ADGRA2: variants seen among roughly 807,000 people sequenced by gnomAD.
ADGRA2 encodes adhesion G protein-coupled receptor A2.
In ADGRA2, 61 loss-of-function variants were observed where a neutral mutation model predicts 98.7. The observed-to-expected ratio is 0.62, with a 90% CI of 0.50 to 0.76. ADGRA2 has a LOEUF of 0.76. Ranked by LOEUF, ADGRA2 falls within the 30% of genes least tolerant of loss-of-function variation. The pLI is 0.00. For synonymous variants in ADGRA2, 858 were observed against 831.5 expected (o/e 1.03, Z -0.55); for missense variants, 1,712 against 1,860.0 (o/e 0.92, Z 1.46).
intron 2 of ADGRA2, among the ~76,000 whole-genome samples, chr8:37,824,837 A>G (rs1805225015): frequency 6.6e-6 from 1 of 152,206 alleles, no homozygotes; most frequent in Admixed American, 6.5e-5. Context: ...TCAACTTAAC[A>G]ATCTGCTTTG....
Position 37,833,278 on chromosome 8 carries a change from G to T in ADGRA2, c.1296+70G>T, listed in dbSNP as rs978475182. The T allele has an allele frequency of 3.2e-6, 4 of 1,246,754 alleles. No homozygotes were observed. The East Asian group carries it at 1.0e-4, about 32-fold the overall frequency. 77.2% of individuals were successfully genotyped at this position (1,246,754 alleles called of 1,614,324 possible). Reference sequence around the variant, plus strand: ...CAGGGAAGGGAGAAGCCAACCTAACGGGCAAGGGGAGCCCTATCTCCGGGC... The same window carrying T: ...CAGGGAAGGGAGAAGCCAACCTAACTGGCAAGGGGAGCCCTATCTCCGGGC... On this transcript the variant is annotated intron_variant, in intron 9 of 18. Coordinates refer to ENST00000412232, the MANE Select transcript of ADGRA2 (RefSeq NM_032777.10).
chr8:37,803,004 G>A (rs1189347208), intron 1 of ADGRA2, among the ~76,000 whole-genome samples: 6 of 152,246 alleles, frequency 3.9e-5, no homozygotes, highest in South Asian at 4.1e-4. Flanking sequence ...TGGCTACCAC[G>A]GCTCTCCCCT....
intron 14 of ADGRA2, 127 bp downstream of exon 14, chr8:37,838,066 C>A: frequency 1.3e-6 from 1 of 795,298 alleles, no homozygotes; most frequent in Non-Finnish European, 1.9e-6. Context: ...CCTAATTGGG[C>A]CCCATGAGTG....
intron 14 of ADGRA2, 90 bp downstream of exon 14, chr8:37,838,029 A>C: frequency 9.2e-7 from 1 of 1,089,052 alleles, no homozygotes; most frequent in Non-Finnish European, 1.3e-6. Flanking sequence ...ATTTGGGACC[A>C]TGGAGAAATA....
At position 37,841,128 on chromosome 8, in the gene ADGRA2, C is replaced by T. The variant is rs1336288281; in HGVS notation, c.2790C>T (p.Ile930=). Residue 930 remains isoleucine, a synonymous_variant, in exon 19 of 19, where the codon ATC becomes ATT. Transcript: ENST00000412232. This position sits in a 1 kb window ranked among gnomAD's most constrained non-coding sequence, Gnocchi z 5.0. The part of the protein sequence containing the change: ...VWRPSLGAFY[I]PVALILLITW... ...GTCCAAGCCTTGGCGCCTTCTACAT[C>T]CCTGTGGCTTTGATTCTGCTCATCA... The T allele has an allele frequency of 6.2e-7, 1 of 1,607,234 alleles. No individual in the cohort carries two copies. Among genetic ancestry groups the T allele is most frequent in the Non-Finnish European group, 8.5e-7 (1 of 1,177,448 alleles).
chr8:37,830,615 G>GCCCCCC lies in ADGRA2; in HGVS notation c.719-91_719-90insCCCCCC. 4.1e-6 allele frequency: 1 copy of GCCCCCC among 244,718 alleles called. No homozygotes were observed. The highest frequency in any genetic ancestry group is 8.1e-6 in the Non-Finnish European group (1 of 123,236). 15.2% of individuals were successfully genotyped at this position (244,718 alleles called of 1,614,324 possible). On this transcript the variant is annotated intron_variant, in intron 6 of 18. Coordinates refer to ENST00000412232, the MANE Select transcript of ADGRA2 (RefSeq NM_032777.10). This position sits in a 1 kb window ranked among gnomAD's most constrained non-coding sequence, Gnocchi z 4.8. ...GAGCAGGCTGCAGGCCGAGGGCCCC[G>GCCCCCC]CCCCGCCCCACCCCATCCTGCTGGA... is the stretch of plus-strand genomic sequence containing the variant.
Position 37,801,942 on chromosome 8 carries a change from C to G in ADGRA2, c.266+4408C>G, listed in dbSNP as rs149010421. On this transcript the variant is annotated intron_variant, in intron 1 of 18. Transcript: ENST00000412232. Reference sequence around the variant, plus strand: ...CATTCCAGGCTGGGCAAGGAGAGGTCACTTTGAATTTCCCCAGAACAGGCA... The same window carrying G: ...CATTCCAGGCTGGGCAAGGAGAGGTGACTTTGAATTTCCCCAGAACAGGCA... Among the ~76,000 whole-genome samples, 519 of 152,364 alleles carry G rather than the reference C, an allele frequency of 3.4e-3. 3 individuals are homozygous for G. The highest frequency in any genetic ancestry group is 0.012 in the African/African-American group (486 of 41,586).
At chr8:37,832,681 T>C (rs1448857076) in intron 8 of ADGRA2, among the ~76,000 whole-genome samples, 2 of 152,182 alleles carry the variant, frequency 1.3e-5, no homozygotes, top group Non-Finnish European at 2.9e-5. Flanking sequence ...ACCCTCTCTG[T>C]TATGCAGGGA....
At chr8:37,837,184 T>A (rs930640531) in intron 13 of ADGRA2, among the ~76,000 whole-genome samples, 1 of 152,154 alleles carries the variant, frequency 6.6e-6, no homozygotes, top group Non-Finnish European at 1.5e-5. Context: ...CACTAAGACT[T>A]AAAGGACAAG....
chr8:37,841,676 G>GC lies in ADGRA2; in HGVS notation c.3345dup (p.Ser1116LeufsTer150). ...GACGGTTCCCCGGTGTTCGGGGAGG[G>GC]CCCCCCCTCCCTCAAGTCCTCCCCA... On this transcript the variant is annotated frameshift_variant, in exon 19 of 19. Coordinates refer to ENST00000412232, the MANE Select transcript of ADGRA2 (RefSeq NM_032777.10). LOFTEE classifies it low-confidence loss of function (END_TRUNC). This position sits in a 1 kb window ranked among gnomAD's most constrained non-coding sequence, Gnocchi z 5.0. The GC allele has an allele frequency of 6.5e-7, 1 of 1,530,634 alleles. No individual in the cohort carries two copies. Among genetic ancestry groups the GC allele is most frequent in the African/African-American group, 1.4e-5 (1 of 72,626 alleles). 94.8% of individuals were successfully genotyped at this position (1,530,634 alleles called of 1,614,324 possible). A position where few individuals can be genotyped will look rare whatever the true frequency, so the allele number is the denominator to read the frequency against.
At chr8:37,837,277 G>A (rs1805644787) in intron 13 of ADGRA2, among the ~76,000 whole-genome samples, 3 of 152,156 alleles carry the variant, frequency 2.0e-5, no homozygotes, top group Admixed American at 6.5e-5. Flanking sequence ...GGGTGGGTGA[G>A]GGGTCTGTGG....
At chr8:37,826,127 CG>C (rs376664558) in intron 2 of ADGRA2, among the ~76,000 whole-genome samples, 2 of 151,346 alleles carry the variant, frequency 1.3e-5, no homozygotes, top group Non-Finnish European at 2.9e-5. Context: ...CACAAGTGAG[CG>C]GGGAGGGAAG....
At position 37,826,443 on chromosome 8, in the gene ADGRA2, C is replaced by T. The variant is rs545894331; in HGVS notation, c.339-2445C>T. On this transcript the variant is annotated intron_variant, in intron 2 of 18. Coordinates refer to ENST00000412232, the MANE Select transcript of ADGRA2 (RefSeq NM_032777.10). Reference sequence around the variant, plus strand: ...AGTGTCCTGGCACGGTCCCTGTGTGCGCCTCACTGGGGGGCACCTCCCAGC... The same window carrying T: ...AGTGTCCTGGCACGGTCCCTGTGTGTGCCTCACTGGGGGGCACCTCCCAGC... 8.5e-5 allele frequency among the ~76,000 whole-genome samples: 13 copies of T among 152,278 alleles called. No homozygotes were observed. The South Asian group carries it at 1.4e-3, about 17-fold the overall frequency.
chr8:37,797,596 G>T lies in ADGRA2; in HGVS notation c.266+62G>T. The stretch of plus-strand genomic sequence containing the variant: ...GACTGGGGACGAAGGGAGGCGAGAC[G>T]GGAGGGGTGGGAGCAGGGGGAAGGG... On this transcript the variant is annotated intron_variant, in intron 1 of 18. Coordinates refer to ENST00000412232, the MANE Select transcript of ADGRA2 (RefSeq NM_032777.10). This position sits in a 1 kb window ranked among gnomAD's most constrained non-coding sequence, Gnocchi z 5.3. The T allele has an allele frequency of 7.9e-7, 1 of 1,272,904 alleles. No homozygotes were observed. The highest frequency in any genetic ancestry group is 3.0e-5 in the East Asian group (1 of 32,872). The allele number at this position is 1,272,904 out of a possible 1,614,324, so 78.9% of individuals were successfully genotyped here.
chr8:37,832,347 CT>C (rs1230519875), intron 8 of ADGRA2, among the ~76,000 whole-genome samples: 1 of 151,932 alleles, frequency 6.6e-6, no homozygotes, highest in Non-Finnish European at 1.5e-5. Context: ...GCCACTGCGA[CT>C]TTTTTTTAGA....
chr8:37,828,742 G>A lies in ADGRA2; in HGVS notation c.339-146G>A, dbSNP rs989292036. The A allele has an allele frequency of 4.4e-5, 23 of 525,514 alleles. No individual in the cohort carries two copies. Among genetic ancestry groups the A allele is most frequent in the Admixed American group, 6.7e-5 (2 of 29,994 alleles). The allele number at this position is 525,514 out of a possible 1,614,324, so 32.6% of individuals were successfully genotyped here. On this transcript the variant is annotated intron_variant, in intron 2 of 18. Transcript: ENST00000412232. The stretch of plus-strand genomic sequence containing the variant: ...GGTTCTTTAATCCCACCTCCCACCC[G>A]GTGCTGAGGAGAGCAGAGGTTTAGC...
Position 37,842,417 on chromosome 8 carries a change from C to G in ADGRA2, c.*62C>G. ...CGGCTCGTTCCCCCGCTCCTCGGGGCCCTCCAAGGTGTCTCCGTAGTCAGC... is the reference window on the plus strand; with the variant it reads ...CGGCTCGTTCCCCCGCTCCTCGGGGGCCTCCAAGGTGTCTCCGTAGTCAGC... On this transcript the variant is annotated 3_prime_UTR_variant, in exon 19 of 19. Transcript: ENST00000412232. 1 of 1,412,850 alleles carries G rather than the reference C, an allele frequency of 7.1e-7. No individual in the cohort carries two copies. The highest frequency in any genetic ancestry group is 9.2e-7 in the Non-Finnish European group (1 of 1,084,344). 87.5% of individuals were successfully genotyped at this position (1,412,850 alleles called of 1,614,324 possible).
chr8:37,825,130 T>C (rs1388417344), intron 2 of ADGRA2, among the ~76,000 whole-genome samples: 2 of 152,226 alleles, frequency 1.3e-5, no homozygotes, highest in Non-Finnish European at 2.9e-5. Flanking sequence ...ACCCTGCGTC[T>C]TTCCCAGGTT....
chr8:37,839,977 C>A lies in ADGRA2; in HGVS notation c.2512-144C>A, dbSNP rs576858049. 5.4e-5 allele frequency: 39 copies of A among 726,290 alleles called. 1 individual carries two copies. Among genetic ancestry groups the A allele is most frequent in the Middle Eastern group, 7.2e-4 (2 of 2,794 alleles). 45.0% of individuals were successfully genotyped at this position (726,290 alleles called of 1,614,324 possible). ...GGTGGCAGTAGGGATGGAAGCTTGG[C>A]GAGTGTATGGGGAGTGGGCTGGGTA... On this transcript the variant is annotated intron_variant, in intron 16 of 18. Transcript: ENST00000412232.
Sources: gnomAD v4.1 joint callset for allele counts (sites outside exome capture counted in the v4.1 genomes callset) on GRCh38, gnomAD v4.1.1 for gene constraint, Gnocchi (gnomAD v3.1) non-coding constraint, MANE v1.5 for transcripts, NCBI Gene and HGNC (gene_info 2026-07-23, HGNC 2026-07-21) for gene names.